RIMS1: variants seen among roughly 807,000 people sequenced by gnomAD.
RIMS1 encodes the protein regulating synaptic membrane exocytosis protein 1.
RIMS1 carries 83 observed loss-of-function variants against 214.1 expected under a neutral mutation model. That is an observed-to-expected ratio of 0.39 (90% CI 0.32 to 0.47). The LOEUF (loss-of-function observed/expected upper bound fraction) is 0.47, where lower values mean the gene tolerates loss of function less well. Ranked by LOEUF, RIMS1 falls within the 20% of genes least tolerant of loss-of-function variation. The pLI is 0.99. For missense variants in RIMS1, 2,050 were observed against 2,161.8 expected (o/e 0.95, Z 1.03); for synonymous variants, 793 against 786.8 (o/e 1.01, Z -0.13).
At chr6:71,931,942 G>A (rs1783168923) in intron 1 of RIMS1, among the ~76,000 whole-genome samples, 1 of 152,006 alleles carries the variant, frequency 6.6e-6, no homozygotes, top group Admixed American at 6.6e-5. Context: ...TCTTACACCA[G>A]TCAGAATGGC....
At chr6:72,125,811 C>A (rs139921144) in intron 4 of RIMS1, among the ~76,000 whole-genome samples, 12,005 of 152,308 alleles carry the variant, frequency 0.079, 531 homozygotes, top group Non-Finnish European at 0.093. Context: ...GGGATATAAT[C>A]TCCTGGTGTG....
chr6:72,232,629 A>C (rs1302405592), intron 6 of RIMS1, among the ~76,000 whole-genome samples: 2 of 151,776 alleles, frequency 1.3e-5, no homozygotes, highest in African/African-American at 4.8e-5. Flanking sequence ...AGAATATACT[A>C]CTGTAATCTA....
intron 4 of RIMS1, among the ~76,000 whole-genome samples, chr6:72,133,336 C>G (rs2040761882): frequency 6.6e-6 from 1 of 151,014 alleles, no homozygotes; most frequent in African/African-American, 2.4e-5. Flanking sequence ...TGCTAGCCTT[C>G]AAGTTTGTAG....
At chr6:71,984,103 A>C (rs1799210977) in intron 2 of RIMS1, among the ~76,000 whole-genome samples, 1 of 152,218 alleles carries the variant, frequency 6.6e-6, no homozygotes. Flanking sequence ...TGGTTATTTC[A>C]ATAGCTATAA....
chr6:72,298,749 G>T lies in RIMS1; in HGVS notation c.3850+6703G>T, dbSNP rs142282087. Among the ~76,000 whole-genome samples the T allele has an allele frequency of 8.5e-3, 1,287 of 152,010 alleles. 6 individuals are homozygous for T. The highest frequency in any genetic ancestry group is 0.014 in the Middle Eastern group (4 of 294). On this transcript the variant is annotated intron_variant, in intron 26 of 33. Coordinates refer to ENST00000521978, the MANE Select transcript of RIMS1 (RefSeq NM_014989.7). ...CACTCAGCACTGGGATTTTGGAGAAGCCCACTTAGTTTCTCCTCCCTTTCC... is the reference window on the plus strand; with the variant it reads ...CACTCAGCACTGGGATTTTGGAGAATCCCACTTAGTTTCTCCTCCCTTTCC...
chr6:72,180,944 C>G (rs2048326600), intron 5 of RIMS1, among the ~76,000 whole-genome samples: 1 of 152,182 alleles, frequency 6.6e-6, no homozygotes, highest in Admixed American at 6.5e-5. Context: ...TAAAAGAGAA[C>G]ATGTGTTCCC....
chr6:72,026,786 C>T (rs999323151), intron 2 of RIMS1, among the ~76,000 whole-genome samples: 1 of 152,020 alleles, frequency 6.6e-6, no homozygotes, highest in Admixed American at 6.6e-5. Flanking sequence ...TGTATACTGC[C>T]TTGTATCACC....
intron 2 of RIMS1, among the ~76,000 whole-genome samples, chr6:72,076,529 C>G (rs770577936): frequency 6.6e-6 from 1 of 152,170 alleles, no homozygotes; most frequent in Non-Finnish European, 1.5e-5. Context: ...CCAAATATGA[C>G]TCCTCCACTG....
At chr6:71,979,917 A>G (rs938387917) in intron 2 of RIMS1, among the ~76,000 whole-genome samples, 1 of 152,132 alleles carries the variant, frequency 6.6e-6, no homozygotes, top group African/African-American at 2.4e-5. Context: ...TGATAATTTT[A>G]TAAGTCAAAA....
chr6:71,913,819 C>T (rs1035130676), intron 1 of RIMS1, among the ~76,000 whole-genome samples: 2 of 152,082 alleles, frequency 1.3e-5, no homozygotes, highest in African/African-American at 4.8e-5. Flanking sequence ...CCTGAGGACA[C>T]CCCTGGGCAA....
intron 2 of RIMS1, among the ~76,000 whole-genome samples, chr6:71,977,915 G>A (rs1472993519): frequency 6.6e-6 from 1 of 152,148 alleles, no homozygotes; most frequent in African/African-American, 2.4e-5. Context: ...AAAGAAGGGG[G>A]AATCATGATC....
chr6:72,146,175 C>G (rs1331376898), intron 4 of RIMS1, among the ~76,000 whole-genome samples: 1 of 152,148 alleles, frequency 6.6e-6, no homozygotes, highest in Non-Finnish European at 1.5e-5. Flanking sequence ...ATTTTAATGT[C>G]ACAATCTCTA....
In RIMS1 at chr6:72,258,152, G is replaced by A; in HGVS notation, c.2798G>A (p.Ser933Asn). 2 of 1,612,946 alleles carry A rather than the reference G, an allele frequency of 1.2e-6. No homozygotes were observed. Among genetic ancestry groups the A allele is most frequent in the Non-Finnish European group, 8.5e-7 (1 of 1,179,342 alleles). Residue 933 changes from serine to asparagine, a missense_variant, in exon 17 of 34, where the codon AGT becomes AAT. Physicochemically the swap from Ser to Asn is conservative, Grantham distance 46 (BLOSUM62 1). Around this residue, in one of 6 missense-constraint regions of RIMS1, gnomAD observed 889 missense variants for 885.5 expected, o/e 1.00. Coordinates refer to ENST00000521978, the MANE Select transcript of RIMS1 (RefSeq NM_014989.7). ...GGCTATAGGTCTAGTGCTAGAGAAA[G>A]TAAATCTACAACATTAACTGTGCCA... ...PVGYRSSARE[S>N]KSTTLTVPEQ...
At chr6:72,307,430 A>G in intron 27 of RIMS1, 60 bp downstream of exon 27, 1 of 1,096,416 alleles carries the variant, frequency 9.1e-7, no homozygotes, top group Non-Finnish European at 1.3e-6. Context: ...TGTGTGTACC[A>G]GGCAGGATTA....
intron 29 of RIMS1, among the ~76,000 whole-genome samples, chr6:72,377,247 G>A (rs779900766): frequency 9.2e-5 from 14 of 152,044 alleles, no homozygotes; most frequent in African/African-American, 2.7e-4. Flanking sequence ...GTGTCCTTGC[G>A]CACGTGTTCA....
intron 1 of RIMS1, among the ~76,000 whole-genome samples, chr6:71,943,048 C>T (rs914028326): frequency 2.0e-5 from 3 of 151,920 alleles, no homozygotes; most frequent in Non-Finnish European, 2.9e-5. Flanking sequence ...AGATACCGTC[C>T]AGTTTATTTG....
At chr6:72,270,010 G>A (rs760259775) in intron 22 of RIMS1, among the ~76,000 whole-genome samples, 2 of 151,644 alleles carry the variant, frequency 1.3e-5, no homozygotes, top group Admixed American at 6.6e-5. Flanking sequence ...TCTTTTCTGG[G>A]CCCACCTAAT....
rs1010715127 is a variant in RIMS1, at chr6:72,012,346, G to A, written c.245+43283G>A. On this transcript the variant is annotated intron_variant, in intron 2 of 33. Coordinates refer to ENST00000521978, the MANE Select transcript of RIMS1 (RefSeq NM_014989.7). ...GCCCTGTTGTAGGGTGGGGGAAAGA[G>A]GGTGGGATAGCATTAGGAGATATAC... 3.9e-5 allele frequency among the ~76,000 whole-genome samples: 6 copies of A among 152,242 alleles called. No homozygotes were observed. The South Asian group carries it at 1.2e-3, about 32-fold the overall frequency.
chr6:72,125,399 C>A (rs1324588430), intron 4 of RIMS1, among the ~76,000 whole-genome samples: 1 of 152,192 alleles, frequency 6.6e-6, no homozygotes, highest in East Asian at 1.9e-4. Flanking sequence ...TGTCAGTCGA[C>A]CCCTGCTGGC....
Sources: gnomAD v4.1 joint callset for allele counts (sites outside exome capture counted in the v4.1 genomes callset) on GRCh38, gnomAD v4.1.1 for gene constraint, gnomAD v4.1.1 regional missense constraint, MANE v1.5 for transcripts, NCBI Gene and HGNC (gene_info 2026-07-23, HGNC 2026-07-21) for gene names.